The following HDAC9 variants were observed in gnomAD, a reference collection of about 807,000 sequenced individuals.
HDAC9 encodes histone deacetylase 9.
In HDAC9, 41 loss-of-function variants were observed where a neutral mutation model predicts 139.4. The observed-to-expected ratio is 0.29, with a 90% confidence interval of 0.23 to 0.38. The LOEUF (loss-of-function observed/expected upper bound fraction) is 0.38, where lower values mean the gene tolerates loss of function less well. HDAC9 is among the 10% of genes least tolerant of loss of function. The pLI, the probability that HDAC9 is intolerant of heterozygous loss-of-function variation, is 1.00. For synonymous variants in HDAC9, 517 were observed against 476.2 expected (o/e 1.09, Z -1.12); for missense variants, 1,147 against 1,297.0 (o/e 0.88, Z 1.78).
chr7:18,150,671 G>A (rs548710098), intron 1 of HDAC9, among the ~76,000 whole-genome samples: 4 of 152,136 alleles, frequency 2.6e-5, no homozygotes, highest in African/African-American at 9.6e-5. Flanking sequence ...TTTCTGTCTG[G>A]GTATTCATCC....
intron 1 of HDAC9, among the ~76,000 whole-genome samples, chr7:18,371,338 A>G (rs557178179): frequency 6.6e-6 from 1 of 152,258 alleles, no homozygotes; most frequent in African/African-American, 2.4e-5. Flanking sequence ...TAACTGTTAA[A>G]ATTAATGTTA....
chr7:18,322,498 C>T (rs984378005), intron 1 of HDAC9, among the ~76,000 whole-genome samples: 3 of 152,124 alleles, frequency 2.0e-5, no homozygotes, highest in South Asian at 2.1e-4. Flanking sequence ...TTAATGGGAA[C>T]GTATCATTTT....
chr7:18,531,161 GTTCA>G (rs1223294338), intron 2 of HDAC9, among the ~76,000 whole-genome samples: 3 of 151,892 alleles, frequency 2.0e-5, no homozygotes, highest in Admixed American at 1.3e-4. Flanking sequence ...TTTATTCTTA[GTTCA>G]TTCATTTATT....
intron 1 of HDAC9, among the ~76,000 whole-genome samples, chr7:18,387,375 C>T (rs945322276): frequency 2.0e-5 from 3 of 152,068 alleles, no homozygotes; most frequent in African/African-American, 7.2e-5. Flanking sequence ...AAAAAAAGTC[C>T]CACATTTTAT....
intron 2 of HDAC9, among the ~76,000 whole-genome samples, chr7:18,175,153 G>C (rs113021356): frequency 2.8e-4 from 43 of 152,288 alleles, no homozygotes; most frequent in African/African-American, 1.0e-3. Flanking sequence ...CTACTCAAGC[G>C]TCAGCAGTGG....
chr7:18,295,287 A>G (rs762607845), intron 1 of HDAC9, among the ~76,000 whole-genome samples: 20 of 152,274 alleles, frequency 1.3e-4, no homozygotes, highest in Non-Finnish European at 2.4e-4. Context: ...TAAGGAAAAC[A>G]AAAGAAAATA....
At chr7:18,944,676 T>C (rs773981314) in intron 23 of HDAC9, among the ~76,000 whole-genome samples, 3 of 152,116 alleles carry the variant, frequency 2.0e-5, no homozygotes, top group Admixed American at 2.0e-4. Context: ...GTCAGCTCTA[T>C]CTCTATGAAA....
chr7:18,460,681 G>A (rs560428312), intron 1 of HDAC9, among the ~76,000 whole-genome samples: 12 of 151,720 alleles, frequency 7.9e-5, no homozygotes, highest in African/African-American at 2.7e-4. Context: ...CCAGCTACTC[G>A]GGAGGCTGAG....
intron 22 of HDAC9, among the ~76,000 whole-genome samples, chr7:18,917,355 GTTTA>G (rs1803298632): frequency 6.6e-6 from 1 of 151,982 alleles, no homozygotes. Context: ...ATACTACTGT[GTTTA>G]TTTATTGGTT....
At chr7:18,450,365 A>T (rs2068467742) in intron 1 of HDAC9, among the ~76,000 whole-genome samples, 1 of 152,212 alleles carries the variant, frequency 6.6e-6, no homozygotes, top group Non-Finnish European at 1.5e-5. Flanking sequence ...TTAAAGATAG[A>T]TGATAAGCAC....
intron 23 of HDAC9, among the ~76,000 whole-genome samples, chr7:18,939,945 G>C (rs1321831965): frequency 6.6e-6 from 1 of 152,144 alleles, no homozygotes; most frequent in Non-Finnish European, 1.5e-5. Flanking sequence ...GCCTTTCTGA[G>C]GGCCTCTGCT....
At chr7:18,652,434 G>C (rs1173814144) in intron 11 of HDAC9, among the ~76,000 whole-genome samples, 1 of 151,906 alleles carries the variant, frequency 6.6e-6, no homozygotes, top group African/African-American at 2.4e-5. Context: ...AACAGAATAC[G>C]TAACAGTTGT....
rs546986129 is a variant in HDAC9 at position 18,447,518 on chromosome 7, C to T, written c.-41-48744C>T. Among the ~76,000 whole-genome samples, 163 of 152,266 alleles carry T rather than the reference C, an allele frequency of 1.1e-3. 2 individuals carry two copies. Among genetic ancestry groups the T allele is most frequent in the African/African-American group, 3.7e-3 (154 of 41,568 alleles). On this transcript the variant is annotated intron_variant, in intron 1 of 3. Transcript: ENST00000413509. ...TAGAGGAAAAACAGAAATGCAGCCA[C>T]GTCCATAATTCCTTTTATTCATGTG...
intron 14 of HDAC9, among the ~76,000 whole-genome samples, chr7:18,756,496 G>A (rs893138608): frequency 2.6e-5 from 4 of 152,164 alleles, no homozygotes; most frequent in African/African-American, 4.8e-5. Flanking sequence ...TTCCTGTTTG[G>A]CCTCAACCTC....
rs552982395 is a variant in HDAC9 at position 18,242,758 on chromosome 7, A to G, written c.25+80409A>G. Among the ~76,000 whole-genome samples, 4 of 152,002 alleles carry G rather than the reference A, an allele frequency of 2.6e-5. No homozygotes were observed. In the East Asian group the frequency reaches 7.7e-4, roughly 29 times the overall value. ...TCTCCACTTCAGGTGCTTCTCTCAC[A>G]TTTTCCTTAAATGTTTCTGTCAGTT... On this transcript the variant is annotated intron_variant, in intron 2 of 12. Transcript: ENST00000417496.
At chr7:18,496,126 G>C (rs546252264) in intron 1 of HDAC9, 103 bp downstream of exon 1, 3 of 1,394,064 alleles carry the variant, frequency 2.2e-6, no homozygotes, top group South Asian at 1.3e-5. Flanking sequence ...CTTCTCCTCA[G>C]GGAGGAGGGA....
intron 2 of HDAC9, among the ~76,000 whole-genome samples, chr7:18,285,121 G>C (rs925197926): frequency 1.3e-5 from 2 of 152,076 alleles, no homozygotes; most frequent in African/African-American, 4.8e-5. Flanking sequence ...TTTTCTTTTG[G>C]TGTTCTTTCC....
chr7:18,110,757 C>T (rs1336497769), intron 1 of HDAC9, among the ~76,000 whole-genome samples: 1 of 152,088 alleles, frequency 6.6e-6, no homozygotes, highest in Non-Finnish European at 1.5e-5. Context: ...AGACGGGGGC[C>T]AGGAGCTTGG....
rs555199520 is a variant in HDAC9, at chr7:18,710,562, A to G, written c.1732-17018A>G. Among the ~76,000 whole-genome samples, 69 of 152,300 alleles carry G rather than the reference A, an allele frequency of 4.5e-4. No homozygotes were observed. The South Asian group carries it at 9.3e-3, about 21-fold the overall frequency. ...TATTCTGGTAAAAAAAATTTCACGC[A>G]TAATCAAAGCCCAAAGGAGGTTAAA... On this transcript the variant is annotated intron_variant, in intron 12 of 25. Transcript: ENST00000686413.
Sources: allele counts gnomAD v4.1 joint callset (sites outside exome capture counted in the v4.1 genomes callset), GRCh38; gene constraint gnomAD v4.1.1; transcripts MANE v1.5; gene names NCBI Gene and HGNC (gene_info 2026-07-23, HGNC 2026-07-21).